Variants in FAM171A2 observed in about 807,000 individuals in gnomAD.
FAM171A2 encodes family with sequence similarity 171 member A2, also known as protein FAM171A2.
Under a neutral mutation model 34.2 loss-of-function variants are expected in FAM171A2, and 13 were observed. The observed-to-expected ratio is 0.38, with a 90% CI of 0.25 to 0.60. The LOEUF is 0.60. Ranked by LOEUF, FAM171A2 falls within the 20% of genes least tolerant of loss-of-function variation. The probability of loss-of-function intolerance (pLI) is 0.62; values close to 1 mark genes in which losing one functional copy is unlikely to be tolerated. For synonymous variants in FAM171A2, 475 were observed against 561.2 expected (o/e 0.85, Z 2.17); for missense variants, 950 against 1,180.7 (o/e 0.80, Z 2.86).
chr17:44,354,391 C>T lies in FAM171A2; in HGVS notation c.1823G>A (p.Arg608His). ...GGGGEGWGAG[R>H]AAPVSGSVTI... ...GACTGAGCCACTGACGGGCGCCGCGCGCCCGGCCCCCCAGCCCTCGCCGCC... is the reference window on the plus strand; with the variant it reads ...GACTGAGCCACTGACGGGCGCCGCGTGCCCGGCCCCCCAGCCCTCGCCGCC... The change falls in exon 8 of 8, where the codon CGC (arginine) becomes CAC (histidine). Residue 608 changes from arginine (R) to histidine (H), a missense_variant. By Grantham distance (29) the Arg-to-His change is conservative. This residue lies in a region of FAM171A2 where 752 missense variants were observed against 924.5 expected (regional missense o/e 0.81). Transcript: ENST00000293443. The surrounding 1 kb of genome is among the most constrained non-coding windows in gnomAD (Gnocchi z 5.8). 1.6e-6 allele frequency: 2 copies of T among 1,267,232 alleles called. No individual in the cohort carries two copies. Among genetic ancestry groups the T allele is most frequent in the South Asian group, 2.2e-5 (1 of 44,618 alleles). 78.5% of individuals were successfully genotyped at this position (1,267,232 alleles called of 1,614,324 possible). A position where few individuals can be genotyped will look rare whatever the true frequency, so the allele number is the denominator to read the frequency against.
intron 1 of FAM171A2, among the ~76,000 whole-genome samples, chr17:44,361,412 G>T (rs1421867926): frequency 6.6e-6 from 1 of 152,214 alleles, no homozygotes; most frequent in Non-Finnish European, 1.5e-5. Context: ...GTTGGGTATG[G>T]AAGGAAGAGT....
chr17:44,357,362 A>G (rs2048429035), intron 3 of FAM171A2, among the ~76,000 whole-genome samples: 1 of 148,708 alleles, frequency 6.7e-6, no homozygotes, highest in African/African-American at 2.5e-5. Context: ...GAAAAAAAAA[A>G]AAAAGGCCGA....
rs1247390388 is a variant in FAM171A2 at position 44,355,396 on chromosome 17, T to G, written c.1023-205A>C. 6.6e-6 allele frequency among the ~76,000 whole-genome samples: 1 copy of G among 152,198 alleles called. No homozygotes were observed. Among genetic ancestry groups the G allele is most frequent in the Non-Finnish European group, 1.5e-5 (1 of 68,026 alleles). On this transcript the variant is annotated intron_variant, in intron 7 of 7. Transcript: ENST00000293443. This position sits in a 1 kb window ranked among gnomAD's most constrained non-coding sequence, Gnocchi z 4.1. ...ACTCTGCACTCCTCTGCATGTAGGA[T>G]GTGCTGCGAGAACCAGGGATGAGCA...
intron 2 of FAM171A2, 102 bp downstream of exon 2, chr17:44,359,803 C>T: frequency 7.3e-7 from 1 of 1,377,730 alleles, no homozygotes; most frequent in Non-Finnish European, 9.8e-7. Flanking sequence ...CAGGCAGCAG[C>T]TGCTGGAAAG....
Position 44,355,031 on chromosome 17 carries a change from G to T in FAM171A2, c.1183C>A (p.Pro395Thr). ...GAGAAGGCCGAGTGGAGGGGGCCTG[G>T]AGGCGGAGCCTCGGGGTCCCCCGAC... ...APSGDPEAPP[P>T]GPLHSAFSSS... Residue 395 changes from proline to threonine, a missense_variant, in exon 8 of 8, where the codon CCA becomes ACA. Physicochemically the swap from Pro to Thr is conservative, Grantham distance 38. Around this residue, in one of 3 missense-constraint regions of FAM171A2, gnomAD observed 752 missense variants for 924.5 expected, o/e 0.81. Transcript: ENST00000293443. This position sits in a 1 kb window ranked among gnomAD's most constrained non-coding sequence, Gnocchi z 4.1. The T allele has an allele frequency of 6.5e-7, 1 of 1,533,828 alleles. No individual in the cohort carries two copies. The highest frequency in any genetic ancestry group is 8.8e-7 in the Non-Finnish European group (1 of 1,139,832).
intron 1 of FAM171A2, 33 bp from the exon 2 acceptor site, chr17:44,360,165 C>T (rs980437316): frequency 4.9e-5 from 74 of 1,511,810 alleles, no homozygotes; most frequent in Middle Eastern, 1.7e-4. Flanking sequence ...GGAGTGAGGA[C>T]GAGGGAGGGG....
intron 3 of FAM171A2, 100 bp downstream of exon 3, chr17:44,359,479 G>T: frequency 1.0e-6 from 1 of 980,270 alleles, no homozygotes; most frequent in South Asian, 1.5e-5. Context: ...GAGGTGAAGT[G>T]ACTTGCCCAA....
At position 44,353,976 on chromosome 17, in the gene FAM171A2, G is replaced by T; in HGVS notation, c.2238C>A (p.Asp746Glu). The change falls in exon 8 of 8, where the codon GAC becomes GAA. Residue 746 changes from aspartate (D) to glutamate (E), a missense_variant. Transcript: ENST00000293443. ...CGTCCAGCAGCGGCGTCAGCGAGTTGTCCTCCGGAGAGCAGAGGCCCGTGC... is the reference window on the plus strand; with the variant it reads ...CGTCCAGCAGCGGCGTCAGCGAGTTTTCCTCCGGAGAGCAGAGGCCCGTGC... ...ESRTGLCSPE[D>E]NSLTPLLDEV... 1 of 1,288,320 alleles carries T rather than the reference G, an allele frequency of 7.8e-7. No homozygotes were observed. Among genetic ancestry groups the T allele is most frequent in the Non-Finnish European group, 9.8e-7 (1 of 1,021,480 alleles). The allele number at this position is 1,288,320 out of a possible 1,614,324, so 79.8% of individuals were successfully genotyped here.
chr17:44,353,814 C>T lies in FAM171A2; in HGVS notation c.2400G>A (p.Glu800=), dbSNP rs1473770433. Residue 800 remains glutamate (E), a synonymous_variant, in exon 8 of 8, where the codon GAG becomes GAA. Transcript: ENST00000293443. ...TCTTGTCTCCCGCCTCGTCGCCCAC[C>T]TCCGCCCCCAGCTCGTCCTCCGGGC... The part of the protein sequence containing the change: ...LTSPEDELGA[E]VGDEAGDKKS... 2.1e-6 allele frequency: 3 copies of T among 1,427,968 alleles called. No individual in the cohort carries two copies. Among genetic ancestry groups the T allele is most frequent in the Admixed American group, 5.3e-5 (2 of 37,546 alleles). 88.5% of individuals were successfully genotyped at this position (1,427,968 alleles called of 1,614,324 possible). A position where few individuals can be genotyped will look rare whatever the true frequency, so the allele number is the denominator to read the frequency against.
At chr17:44,361,396 G>A (rs1231753363) in intron 1 of FAM171A2, among the ~76,000 whole-genome samples, 2 of 152,208 alleles carry the variant, frequency 1.3e-5, no homozygotes, top group East Asian at 3.8e-4. Context: ...TGCAAATCTA[G>A]TGGGGGTTGG....
At chr17:44,360,414 C>T (rs950738917) in intron 1 of FAM171A2, among the ~76,000 whole-genome samples, 1 of 152,190 alleles carries the variant, frequency 6.6e-6, no homozygotes, top group African/African-American at 2.4e-5. Flanking sequence ...ATGATGCCAT[C>T]GTTATAACTG....
chr17:44,353,627 C>A lies in FAM171A2; in HGVS notation c.*106G>T. The A allele has an allele frequency of 1.1e-6, 1 of 907,320 alleles. No individual in the cohort carries two copies. The highest frequency in any genetic ancestry group is 1.4e-6 in the Non-Finnish European group (1 of 708,946). The allele number at this position is 907,320 out of a possible 1,614,324, so 56.2% of individuals were successfully genotyped here. The stretch of plus-strand genomic sequence containing the variant: ...GCTCCAAGGCCCCTGGGCCCCTCTC[C>A]GGCCTGGGGCTGGGAGCTACGCGCG... On this transcript the variant is annotated 3_prime_UTR_variant, in exon 8 of 8. Coordinates refer to ENST00000293443, the MANE Select transcript of FAM171A2 (RefSeq NM_198475.3).
intron 3 of FAM171A2, among the ~76,000 whole-genome samples, chr17:44,357,729 T>TTGTGTGTGTGTGTGTGTGTGTGTG (rs2048430587): frequency 1.4e-5 from 1 of 70,748 alleles, no homozygotes; most frequent in African/African-American, 8.8e-5. Context: ...ACAGTTTAGG[T>TTGTGTGTGTGTGTGTGTGTGTGTG]CGTGTGTGTG....
Position 44,359,818 on chromosome 17 carries a change from C to T in FAM171A2, c.346+87G>A, listed in dbSNP as rs1423795885. The T allele has an allele frequency of 9.1e-6, 13 of 1,424,680 alleles. No homozygotes were observed. The Admixed American group carries it at 2.9e-4, about 32-fold the overall frequency. 88.3% of individuals were successfully genotyped at this position (1,424,680 alleles called of 1,614,324 possible). ...CAGGCAGCAGCTGCTGGAAAGCCTC[C>T]CCCTCCACCCCCAAGGAGACTATTT... On this transcript the variant is annotated intron_variant, in intron 2 of 7. Coordinates refer to ENST00000293443, the MANE Select transcript of FAM171A2 (RefSeq NM_198475.3).
chr17:44,354,348 G>C lies in FAM171A2; in HGVS notation c.1866C>G (p.Phe622Leu), dbSNP rs934086781. The C allele has an allele frequency of 4.1e-5, 59 of 1,433,178 alleles. No homozygotes were observed. The highest frequency in any genetic ancestry group is 5.4e-5 in the Non-Finnish European group (58 of 1,080,340). 88.8% of individuals were successfully genotyped at this position (1,433,178 alleles called of 1,614,324 possible). A position where few individuals can be genotyped will look rare whatever the true frequency, so the allele number is the denominator to read the frequency against. The part of the protein sequence containing the change: ...VSGSVTIPVL[F>L]NESTMAQLNG... Reference sequence around the variant, plus strand: ...TGAGCTGCGCCATGGTGGACTCGTTGAATAGCACAGGGATGGTGACTGAGC... The same window carrying C: ...TGAGCTGCGCCATGGTGGACTCGTTCAATAGCACAGGGATGGTGACTGAGC... The change falls in exon 8 of 8, where the codon TTC becomes TTG. Residue 622 changes from phenylalanine (F) to leucine (L), a missense_variant. Physicochemically the swap from Phe to Leu is conservative, Grantham distance 22 (BLOSUM62 0). Transcript: ENST00000293443. The surrounding 1 kb of genome is among the most constrained non-coding windows in gnomAD (Gnocchi z 5.8).
In FAM171A2 at chr17:44,354,941, G is replaced by T; in HGVS notation, c.1273C>A (p.Arg425Ser). The T allele has an allele frequency of 7.0e-7, 1 of 1,424,384 alleles. No individual in the cohort carries two copies. The highest frequency in any genetic ancestry group is 2.8e-5 in the East Asian group (1 of 35,424). The allele number at this position is 1,424,384 out of a possible 1,614,324, so 88.2% of individuals were successfully genotyped here. A position where few individuals can be genotyped will look rare whatever the true frequency, so the allele number is the denominator to read the frequency against. Reference sequence around the variant, plus strand: ...GCACCCGAAGGCTCGGCGGCCGGGCGGCTGGCAGAGCGCGGCTTGGTGCGG... The same window carrying T: ...GCACCCGAAGGCTCGGCGGCCGGGCTGCTGGCAGAGCGCGGCTTGGTGCGG... ...FFRTKPRSAS[R>S]PAAEPSGARG... is the part of the protein sequence containing the mutation. The change falls in exon 8 of 8, where the codon CGC becomes AGC. Residue 425 changes from arginine to serine, a missense_variant. Transcript: ENST00000293443. This position sits in a 1 kb window ranked among gnomAD's most constrained non-coding sequence, Gnocchi z 5.8.
rs1431864700 is a variant in FAM171A2, at chr17:44,355,113, C to T, written c.1101G>A (p.Gln367=). The T allele has an allele frequency of 2.6e-6, 4 of 1,550,874 alleles. No individual in the cohort carries two copies. Among genetic ancestry groups the T allele is most frequent in the South Asian group, 1.2e-5 (1 of 84,062 alleles). Residue 367 remains glutamine, a synonymous_variant, in exon 8 of 8, where the codon CAG becomes CAA. Coordinates refer to ENST00000293443, the MANE Select transcript of FAM171A2 (RefSeq NM_198475.3). The surrounding 1 kb of genome is among the most constrained non-coding windows in gnomAD (Gnocchi z 4.1). ...GGTGGAGCTGGGACATCGAGGTGGC[C>T]TGGTCTCGTTTGTTACCGTCAGAGG... ...SGPSDGNKRD[Q]ATSMSQLHLI...
chr17:44,356,408 C>G (rs1400126882), intron 4 of FAM171A2, 22 bp downstream of exon 4: 1 of 1,548,992 alleles, frequency 6.5e-7, no homozygotes, highest in South Asian at 1.2e-5. Flanking sequence ...GAGACCCCAT[C>G]CGTGCTGGGC....
chr17:44,363,769 C>T lies in FAM171A2; in HGVS notation c.-55G>A, dbSNP rs2048458140. 1 of 873,974 alleles carries T rather than the reference C, an allele frequency of 1.1e-6. No homozygotes were observed. Among genetic ancestry groups the T allele is most frequent in the East Asian group, 3.9e-5 (1 of 25,322 alleles). 54.1% of individuals were successfully genotyped at this position (873,974 alleles called of 1,614,324 possible). ...ATGGCTCCCGCCTGGTCCCGCTCGC[C>T]CGGCCCCGCGCAGCCCCAGCTCTGC... On this transcript the variant is annotated 5_prime_UTR_variant, in exon 1 of 8. Coordinates refer to ENST00000293443, the MANE Select transcript of FAM171A2 (RefSeq NM_198475.3).
Sources: allele counts gnomAD v4.1 joint callset (sites outside exome capture counted in the v4.1 genomes callset), GRCh38; gene constraint gnomAD v4.1.1; regional missense constraint gnomAD v4.1.1; non-coding constraint Gnocchi (gnomAD v3.1); transcripts MANE v1.5; gene names NCBI Gene and HGNC (gene_info 2026-07-23, HGNC 2026-07-21).